Variants in UGT2B7 observed in about 807,000 individuals in gnomAD.
UGT2B7 encodes the protein UDP-glucuronosyltransferase 2B7.
Under a neutral mutation model 51.9 loss-of-function variants are expected in UGT2B7, and 51 were observed. The observed-to-expected ratio is 0.98, with a 90% CI of 0.78 to 1.24. The LOEUF (loss-of-function observed/expected upper bound fraction) is 1.24. UGT2B7 is among the 50% of genes most tolerant of loss of function. UGT2B7 has a pLI of 0.00. For missense variants in UGT2B7, 727 were observed against 628.4 expected (o/e 1.16, Z -1.68); for synonymous variants, 225 against 211.6 (o/e 1.06, Z -0.55).
At chr4:69,052,279 C>T (rs914730803) in intron 1 of UGT2B7, among the ~76,000 whole-genome samples, 4 of 151,828 alleles carry the variant, frequency 2.6e-5, no homozygotes, top group African/African-American at 9.7e-5. Flanking sequence ...TCCCCCCCAA[C>T]AGTAGTTAAG....
upstream of UGT2B7, among the ~76,000 whole-genome samples, chr4:69,092,071 G>A (rs1719098147): frequency 6.6e-6 from 1 of 152,048 alleles, no homozygotes; most frequent in Non-Finnish European, 1.5e-5. Flanking sequence ...AAGTAGCTAG[G>A]ACTGTAGGCA....
intron 1 of UGT2B7, chr4:69,089,389 C>T (rs956773751): frequency 1.3e-5 from 2 of 152,162 alleles, no homozygotes; most frequent in Non-Finnish European, 2.9e-5. Context: ...ACAACTTCTT[C>T]AGATTTTTAT....
chr4:69,062,720 A>G (rs1250683518), intron 1 of UGT2B7, among the ~76,000 whole-genome samples: 1 of 152,198 alleles, frequency 6.6e-6, no homozygotes, highest in Admixed American at 6.5e-5. Context: ...TGACCAGTCT[A>G]TGCATGGTGG....
chr4:69,096,940 A>G lies in UGT2B7; in HGVS notation c.420A>G (p.Val140=). The G allele has an allele frequency of 6.2e-7, 1 of 1,612,940 alleles. No homozygotes were observed. Among genetic ancestry groups the G allele is most frequent in the Non-Finnish European group, 8.5e-7 (1 of 1,179,698 alleles). ...CAAATAAGAAATTTATGAAAAAAGT[A>G]CAAGAGTCAAGATTTGACGTCATTT... The part of the protein sequence containing the change: ...VVSNKKFMKK[V]QESRFDVIFA... The change falls in exon 1 of 6, where the codon GTA becomes GTG. Residue 140 remains valine, a synonymous_variant. Coordinates refer to ENST00000305231, the MANE Select transcript of UGT2B7 (RefSeq NM_001074.4).
chr4:69,053,573 GCCT>G (rs1294874420), intron 1 of UGT2B7, among the ~76,000 whole-genome samples: 24 of 152,264 alleles, frequency 1.6e-4, no homozygotes, highest in African/African-American at 5.8e-4. Flanking sequence ...GGATTCTACA[GCCT>G]GGAGTAATAA....
At chr4:69,065,577 A>C (rs1002808313) in intron 1 of UGT2B7, among the ~76,000 whole-genome samples, 1 of 152,228 alleles carries the variant, frequency 6.6e-6, no homozygotes, top group Admixed American at 6.5e-5. Flanking sequence ...ATATCACTTA[A>C]AATTTTTTCT....
intron 5 of UGT2B7, among the ~76,000 whole-genome samples, chr4:69,110,875 AT>A (rs1719752376): frequency 6.6e-6 from 1 of 152,190 alleles, no homozygotes; most frequent in Non-Finnish European, 1.5e-5. Flanking sequence ...GTGTATGAAT[AT>A]TTATCTTTTG....
chr4:69,110,851 G>T (rs1447456589), intron 5 of UGT2B7, among the ~76,000 whole-genome samples: 1 of 151,994 alleles, frequency 6.6e-6, no homozygotes, highest in Non-Finnish European at 1.5e-5. Flanking sequence ...TTACATTTTT[G>T]AACTATTCAC....
At chr4:69,093,612 G>T (rs934891472), upstream of UGT2B7, among the ~76,000 whole-genome samples, 34 of 152,186 alleles carry the variant, frequency 2.2e-4, 1 homozygote, top group African/African-American at 7.2e-4. Flanking sequence ...GTGCCTGAGT[G>T]GCTGCTCTGC....
upstream of UGT2B7, among the ~76,000 whole-genome samples, chr4:69,094,520 T>TA (rs1418983772): frequency 6.6e-6 from 1 of 152,174 alleles, no homozygotes; most frequent in Non-Finnish European, 1.5e-5. Flanking sequence ...ATATTAAGTC[T>TA]AAAAAAATAC....
intron 1 of UGT2B7, among the ~76,000 whole-genome samples, chr4:69,063,694 T>C (rs899757297): frequency 1.3e-5 from 2 of 152,138 alleles, no homozygotes; most frequent in African/African-American, 4.8e-5. Flanking sequence ...CATGTCCCAG[T>C]TCAGACCTGG....
chr4:69,090,149 G>A (rs769134228), intron 2 of UGT2B7, among the ~76,000 whole-genome samples: 10 of 152,152 alleles, frequency 6.6e-5, no homozygotes, highest in Non-Finnish European at 1.3e-4. Flanking sequence ...TAGTCTAGTA[G>A]TCAGTTAATT....
chr4:69,064,884 C>T (rs1718454401), intron 1 of UGT2B7, among the ~76,000 whole-genome samples: 1 of 152,098 alleles, frequency 6.6e-6, no homozygotes, highest in South Asian at 2.1e-4. Flanking sequence ...TTGCCGTTAA[C>T]GTTGTGATTA....
At chr4:69,110,916 G>GAT (rs1383021922) in intron 5 of UGT2B7, among the ~76,000 whole-genome samples, 2 of 151,978 alleles carry the variant, frequency 1.3e-5, no homozygotes, top group Admixed American at 1.3e-4. Flanking sequence ...TATTTTATGA[G>GAT]ATATATAATG....
intron 1 of UGT2B7, among the ~76,000 whole-genome samples, chr4:69,080,893 C>T (rs558576028): frequency 7.2e-5 from 11 of 152,082 alleles, no homozygotes; most frequent in South Asian, 2.1e-4. Flanking sequence ...TTATTCTCTA[C>T]ATACCATTAA....
chr4:69,058,739 G>T (rs959949159), intron 1 of UGT2B7, among the ~76,000 whole-genome samples: 7 of 152,136 alleles, frequency 4.6e-5, no homozygotes, highest in African/African-American at 1.4e-4. Flanking sequence ...GTGGCCACAA[G>T]TTGTACATTA....
intron 1 of UGT2B7, among the ~76,000 whole-genome samples, chr4:69,079,917 G>A (rs560899224): frequency 5.3e-5 from 8 of 151,254 alleles, no homozygotes; most frequent in Non-Finnish European, 1.0e-4. Context: ...CCTGAGTTTT[G>A]TATATAGCTT....
At chr4:69,099,993 C>T (rs1186133673) in intron 2 of UGT2B7, among the ~76,000 whole-genome samples, 1 of 152,024 alleles carries the variant, frequency 6.6e-6, no homozygotes, top group Non-Finnish European at 1.5e-5. Flanking sequence ...GCGTAAAACA[C>T]TTCCTCAACA....
chr4:69,052,569 CAAAAAAAAA>C (rs1204317464), intron 1 of UGT2B7, among the ~76,000 whole-genome samples: 101 of 64,692 alleles, frequency 1.6e-3, no homozygotes, highest in African/African-American at 6.1e-3. Context: ...TGGTTATCTT[CAAAAAAAAA>C]AAAAAAAAAA....
Sources: gnomAD v4.1 joint callset for allele counts (sites outside exome capture counted in the v4.1 genomes callset) on GRCh38, gnomAD v4.1.1 for gene constraint, MANE v1.5 for transcripts, NCBI Gene and HGNC (gene_info 2026-07-23, HGNC 2026-07-21) for gene names.